Variants in RFX1 observed in about 807,000 individuals in gnomAD.
RFX1 encodes regulatory factor X1.
In RFX1, 42 loss-of-function variants were observed where a neutral mutation model predicts 119.6. The observed-to-expected ratio is 0.35, with a 90% CI of 0.27 to 0.45. The LOEUF (loss-of-function observed/expected upper bound fraction) is 0.45. Among genes scored for constraint, RFX1 ranks in the 20% least tolerant of loss-of-function variants. RFX1 has a pLI of 1.00. For synonymous variants in RFX1, 628 were observed against 618.5 expected (o/e 1.02, Z -0.23); for missense variants, 1,118 against 1,368.1 (o/e 0.82, Z 2.88).
In RFX1 at chr19:13,962,503, TGCAGCTGCGGCTCC is replaced by T; in HGVS notation, c.*178_*191del. The T allele has an allele frequency of 1.8e-6, 1 of 554,526 alleles. No homozygotes were observed. Among genetic ancestry groups the T allele is most frequent in the Non-Finnish European group, 3.1e-6 (1 of 321,058 alleles). The allele number at this position is 554,526 out of a possible 1,614,324, so 34.4% of individuals were successfully genotyped here. A position where few individuals can be genotyped will look rare whatever the true frequency, so the allele number is the denominator to read the frequency against. On this transcript the variant is annotated 3_prime_UTR_variant, in exon 21 of 21. Coordinates refer to ENST00000254325, the MANE Select transcript of RFX1 (RefSeq NM_002918.5). ...AAGGCACGTCTTTTGTGTCAGAGTT[TGCAGCTGCGGCTCC>T]GCCCAGCCCACTGATTGTGCCGGCC...
Position 13,962,664 on chromosome 19 carries a change from C to CG in RFX1, c.*30dup. 1 of 475,204 alleles carries CG rather than the reference C, an allele frequency of 2.1e-6. No individual in the cohort carries two copies. 29.4% of individuals were successfully genotyped at this position (475,204 alleles called of 1,614,324 possible). A position where few individuals can be genotyped will look rare whatever the true frequency, so the allele number is the denominator to read the frequency against. ...GAGGGACCCTGGCGTGGAGGGGTGG[C>CG]GGGGGCGGGTGGGGCGGGGAGGCCA... On this transcript the variant is annotated 3_prime_UTR_variant, in exon 21 of 21. Transcript: ENST00000254325.
At position 13,963,940 on chromosome 19, in the gene RFX1, G is replaced by T; in HGVS notation, c.2279C>A (p.Ala760Glu). 1 of 1,545,486 alleles carries T rather than the reference G, an allele frequency of 6.5e-7. No homozygotes were observed. Reference sequence around the variant, plus strand: ...GGTGTTCTGCAGCACAGCGCGCGCCGCCTGCGCCAGGTGGTTGAGCGACGT... The same window carrying T: ...GGTGTTCTGCAGCACAGCGCGCGCCTCCTGCGCCAGGTGGTTGAGCGACGT... ...RYTSLNHLAQAARAVLQNTAQ... is the reference protein window; with the variant it reads ...RYTSLNHLAQEARAVLQNTAQ... The change falls in exon 17 of 21, where the codon GCG becomes GAG. Residue 760 changes from alanine (A) to glutamate (E), a missense_variant. This residue lies in a region of RFX1 where 338 missense variants were observed against 508.9 expected (regional missense o/e 0.66). Coordinates refer to ENST00000254325, the MANE Select transcript of RFX1 (RefSeq NM_002918.5).
Position 13,993,765 on chromosome 19 carries a change from G to C in RFX1, c.79C>G (p.Pro27Ala), listed in dbSNP as rs753759248. The change falls in exon 2 of 21, where the codon CCC becomes GCC. Residue 27 changes from proline (P) to alanine (A), a missense_variant. Physicochemically the swap from Pro to Ala is conservative, Grantham distance 27 (BLOSUM62 -1). Around this residue, in one of 5 missense-constraint regions of RFX1, gnomAD observed 542 missense variants for 602.7 expected, o/e 0.90. Transcript: ENST00000254325. Reference protein sequence around the residue: ...QPPQAPPQAQPQPPPPPPPAA... With the variant: ...QPPQAPPQAQAQPPPPPPPAA... ...GGGGGTGGTGGCGGTGGCGGCTGGG[G>C]CTGGGCTTGTGGCGGGGCCTGTGGC... 6.9e-6 allele frequency: 11 copies of C among 1,602,902 alleles called. No individual in the cohort carries two copies. In the South Asian group the frequency reaches 1.2e-4, roughly 18 times the overall value.
chr19:13,978,178 T>C, intron 7 of RFX1, 92 bp from the exon 8 acceptor site: 1 of 898,080 alleles, frequency 1.1e-6, no homozygotes, highest in South Asian at 1.5e-5. Context: ...AGGCTATCCC[T>C]GACGCCCAGC....
intron 17 of RFX1, 22 bp downstream of exon 17, chr19:13,963,835 GC>G (rs1555747677): frequency 1.3e-6 from 1 of 777,954 alleles, no homozygotes; most frequent in Non-Finnish European, 1.8e-6. Flanking sequence ...TCATTCGCCC[GC>G]CCCGCCCCGC....
At position 13,980,763 on chromosome 19, in the gene RFX1, C is replaced by A; in HGVS notation, c.622-74G>T. On this transcript the variant is annotated intron_variant, in intron 5 of 20. Coordinates refer to ENST00000254325, the MANE Select transcript of RFX1 (RefSeq NM_002918.5). This position sits in a 1 kb window ranked among gnomAD's most constrained non-coding sequence, Gnocchi z 5.1. ...TCTCTGAGGTGGGCTCACACACACA[C>A]CCTTCTCAGGAGAGCTGTCTGGGGA... The A allele has an allele frequency of 2.2e-6, 2 of 918,414 alleles. No individual in the cohort carries two copies. The highest frequency in any genetic ancestry group is 2.2e-5 in the Admixed American group (1 of 46,464). The allele number at this position is 918,414 out of a possible 1,614,324, so 56.9% of individuals were successfully genotyped here.
intron 1 of RFX1, among the ~76,000 whole-genome samples, chr19:14,005,475 G>GT (rs1172555735): frequency 1.3e-5 from 2 of 152,174 alleles, no homozygotes; most frequent in African/African-American, 4.8e-5. Flanking sequence ...AAGATAAGCC[G>GT]TAAGTAAAAT....
In RFX1 at chr19:13,966,746, A is replaced by C; in HGVS notation, c.1738T>G (p.Ser580Ala). The C allele has an allele frequency of 6.2e-7, 1 of 1,605,006 alleles. No individual in the cohort carries two copies. Among genetic ancestry groups the C allele is most frequent in the Non-Finnish European group, 8.5e-7 (1 of 1,175,838 alleles). The change falls in exon 13 of 21, where the codon TCT becomes GCT. Residue 580 changes from serine to alanine, a missense_variant. Around this residue, in one of 5 missense-constraint regions of RFX1, gnomAD observed 338 missense variants for 508.9 expected, o/e 0.66. Transcript: ENST00000254325. The surrounding 1 kb of genome is among the most constrained non-coding windows in gnomAD (Gnocchi z 6.3). ...VQQYQQFLDA[S>A]RSLPDFTELD... ...TCTGTGAAGTCAGGGAGGCTCCGAG[A>C]GGCATCTAGGGGGCCGGGGGGAACC...
Position 13,966,661 on chromosome 19 carries a change from A to T in RFX1, c.1823T>A (p.Phe608Tyr). ...EGVGPGDIKA[F>Y]QVLYREHCEA... is the part of the protein sequence containing the mutation. Reference sequence around the variant, plus strand: ...ACAGTGTTCCCGGTACAGGACCTGGAAGGCTTTGATGTCCCCGGGCCCGAC... The same window carrying T: ...ACAGTGTTCCCGGTACAGGACCTGGTAGGCTTTGATGTCCCCGGGCCCGAC... Residue 608 changes from phenylalanine (F) to tyrosine (Y), a missense_variant, in exon 13 of 21, where the codon TTC (phenylalanine) becomes TAC (tyrosine). Physicochemically the swap from Phe to Tyr is conservative, Grantham distance 22. Transcript: ENST00000254325. This position sits in a 1 kb window ranked among gnomAD's most constrained non-coding sequence, Gnocchi z 6.3. The T allele has an allele frequency of 6.2e-7, 1 of 1,609,022 alleles. No homozygotes were observed.
At chr19:14,002,994 G>C (rs1257075483) in intron 1 of RFX1, among the ~76,000 whole-genome samples, 1 of 152,198 alleles carries the variant, frequency 6.6e-6, no homozygotes. Context: ...CATTTTGTGT[G>C]TGTGTTTTGA....
At chr19:13,967,001 C>A (rs1973923872) in intron 12 of RFX1, among the ~76,000 whole-genome samples, 1 of 152,170 alleles carries the variant, frequency 6.6e-6, no homozygotes, top group South Asian at 2.1e-4. Flanking sequence ...CTGCACCAAC[C>A]CTCAGGACGT....
At chr19:13,993,084 A>G (rs1414838194) in intron 2 of RFX1, among the ~76,000 whole-genome samples, 2 of 152,160 alleles carry the variant, frequency 1.3e-5, no homozygotes, top group East Asian at 1.9e-4. Flanking sequence ...ATTTGAGGCC[A>G]GGAGTTTGAG....
At position 13,966,109 on chromosome 19, in the gene RFX1, G is replaced by A. The variant is rs1973888060; in HGVS notation, c.1961+312C>T. Among the ~76,000 whole-genome samples the A allele has an allele frequency of 6.6e-6, 1 of 152,110 alleles. No individual in the cohort carries two copies. The highest frequency in any genetic ancestry group is 2.1e-4 in the South Asian group (1 of 4,826). ...ACCCCCTGCCTCCCAAAGATCCCCAGGGTCTGGTTGGCACAGGCCCGAGGG... is the reference window on the plus strand; with the variant it reads ...ACCCCCTGCCTCCCAAAGATCCCCAAGGTCTGGTTGGCACAGGCCCGAGGG... On this transcript the variant is annotated intron_variant, in intron 14 of 20. Transcript: ENST00000254325. The surrounding 1 kb of genome is among the most constrained non-coding windows in gnomAD (Gnocchi z 6.3).
At position 13,963,595 on chromosome 19, in the gene RFX1, C is replaced by T. The variant is rs776056625; in HGVS notation, c.2513G>A (p.Gly838Asp). The change falls in exon 18 of 21, where the codon GGC (glycine) becomes GAC (aspartate). Residue 838 changes from glycine to aspartate, a missense_variant. Coordinates refer to ENST00000254325, the MANE Select transcript of RFX1 (RefSeq NM_002918.5). ...GGCGGCCTTGGGGAAGCCGGCGCTG[C>T]CCTGGTAGGGCTTGAGCACCTGGCT... ...VVSQVLKPYQ[G>D]SAGFPKAAKL... 1.2e-6 allele frequency: 2 copies of T among 1,604,938 alleles called. No individual in the cohort carries two copies. The highest frequency in any genetic ancestry group is 1.3e-5 in the African/African-American group (1 of 74,968).
At chr19:14,005,986 C>T (rs1227479427) in intron 1 of RFX1, 117 bp downstream of exon 1, 2 of 150,498 alleles carry the variant, frequency 1.3e-5, no homozygotes, top group African/African-American at 4.9e-5. Flanking sequence ...AGACAGTCGC[C>T]GCCGCCATTT....
At chr19:13,995,948 A>G (rs1334376517) in intron 1 of RFX1, among the ~76,000 whole-genome samples, 1 of 151,814 alleles carries the variant, frequency 6.6e-6, no homozygotes, top group Non-Finnish European at 1.5e-5. Flanking sequence ...GAATTGCTTG[A>G]ACCCAGGAGG....
intron 7 of RFX1, 27 bp from the exon 8 acceptor site, chr19:13,978,113 G>T (rs1324182904): frequency 6.4e-7 from 1 of 1,563,962 alleles, no homozygotes; most frequent in Non-Finnish European, 8.8e-7. Context: ...GCACGTGGAG[G>T]GTCAGGGGTG....
intron 16 of RFX1, 59 bp from the exon 17 acceptor site, chr19:13,964,066 G>A: frequency 6.7e-7 from 1 of 1,482,156 alleles, no homozygotes; most frequent in Admixed American, 2.2e-5. Context: ...GCCAGCCCTG[G>A]CCCCACCCCG....
chr19:13,991,768 T>C (rs1425513664), intron 2 of RFX1, among the ~76,000 whole-genome samples: 1 of 152,116 alleles, frequency 6.6e-6, no homozygotes, highest in Non-Finnish European at 1.5e-5. Flanking sequence ...TCAAGTGATT[T>C]TTCCTGCCTC....
Sources: gnomAD v4.1 joint callset for allele counts (sites outside exome capture counted in the v4.1 genomes callset) on GRCh38, gnomAD v4.1.1 for gene constraint, gnomAD v4.1.1 regional missense constraint, Gnocchi (gnomAD v3.1) non-coding constraint, MANE v1.5 for transcripts, NCBI Gene and HGNC (gene_info 2026-07-23, HGNC 2026-07-21) for gene names.